Variants in ADK observed in about 807,000 individuals in gnomAD.
ADK encodes N6,N6-dimethyladenosine kinase.
ADK carries 24 observed loss-of-function variants against 44.7 expected under a neutral mutation model. That is an observed-to-expected ratio of 0.54 (90% confidence interval 0.39 to 0.76). ADK has a LOEUF of 0.76. Ranked by LOEUF, ADK falls within the 30% of genes least tolerant of loss-of-function variation. The probability of loss-of-function intolerance (pLI) is 0.00; values close to 1 mark genes in which losing one functional copy is unlikely to be tolerated. For synonymous variants in ADK, 128 were observed against 142.6 expected (o/e 0.90, Z 0.73); for missense variants, 321 against 425.1 (o/e 0.76, Z 2.15).
At chr10:74,512,402 C>CTTT (rs36119808) in intron 6 of ADK, among the ~76,000 whole-genome samples, 3,022 of 128,404 alleles carry the variant, frequency 0.024, 118 homozygotes, top group African/African-American at 0.075. Context: ...CAGTTCTGGA[C>CTTT]TTTTTTTTTT....
chr10:74,437,598 T>C (rs1202091378), intron 6 of ADK, among the ~76,000 whole-genome samples: 1 of 152,204 alleles, frequency 6.6e-6, no homozygotes, highest in Non-Finnish European at 1.5e-5. Flanking sequence ...CAATTACCAT[T>C]CTATTACAGA....
intron 6 of ADK, among the ~76,000 whole-genome samples, chr10:74,508,874 G>A (rs1188913324): frequency 6.6e-6 from 1 of 152,064 alleles, no homozygotes; most frequent in Non-Finnish European, 1.5e-5. Context: ...ATATAAAAGG[G>A]TAAATTATAG....
intron 3 of ADK, among the ~76,000 whole-genome samples, chr10:74,285,090 AG>A (rs1322439656): frequency 2.6e-5 from 4 of 152,130 alleles, no homozygotes; most frequent in Non-Finnish European, 4.4e-5. Context: ...GCCACTGTAC[AG>A]ATGAGCAGCC....
intron 2 of ADK, among the ~76,000 whole-genome samples, chr10:74,213,384 C>CA (rs1843896373): frequency 6.6e-6 from 1 of 152,198 alleles, no homozygotes; most frequent in African/African-American, 2.4e-5. Context: ...ATGTGAGCTA[C>CA]AGTGCCTTGC....
chr10:74,549,848 A>C (rs1849967898), intron 7 of ADK, among the ~76,000 whole-genome samples: 1 of 152,154 alleles, frequency 6.6e-6, no homozygotes, highest in Admixed American at 6.5e-5. Context: ...TGATTCATTG[A>C]AATTATAATG....
At chr10:74,576,054 A>G (rs12241337) in intron 7 of ADK, among the ~76,000 whole-genome samples, 7,004 of 152,214 alleles carry the variant, frequency 0.046, 561 homozygotes, top group African/African-American at 0.16. Flanking sequence ...AAGGAAAGGA[A>G]TAATAGAAGT....
chr10:74,688,655 G>A (rs1281214371), intron 10 of ADK, among the ~76,000 whole-genome samples: 1 of 152,132 alleles, frequency 6.6e-6, no homozygotes, highest in Non-Finnish European at 1.5e-5. Flanking sequence ...TGGCTTACGC[G>A]TGTAATCCCA....
chr10:74,678,163 A>G (rs973004370), intron 10 of ADK, among the ~76,000 whole-genome samples: 1 of 149,408 alleles, frequency 6.7e-6, no homozygotes, highest in Non-Finnish European at 1.5e-5. Flanking sequence ...AAAAAAAAGG[A>G]TATGAAACAT....
chr10:74,536,376 G>A (rs1016207126), intron 7 of ADK, among the ~76,000 whole-genome samples: 99 of 151,352 alleles, frequency 6.5e-4, no homozygotes, highest in Non-Finnish European at 1.6e-4. Flanking sequence ...ACACGTGCTG[G>A]GACAAAAAGT....
intron 4 of ADK, among the ~76,000 whole-genome samples, chr10:74,356,022 T>TTG (rs1842135423): frequency 7.3e-6 from 1 of 136,608 alleles, no homozygotes; most frequent in Non-Finnish European, 1.6e-5. Context: ...TTTTTTTTTT[T>TTG]TTTTTTTGAG....
chr10:74,242,564 C>A (rs1177320951), intron 3 of ADK, among the ~76,000 whole-genome samples: 3 of 127,620 alleles, frequency 2.4e-5, no homozygotes, highest in African/African-American at 7.1e-5. Context: ...AAGCAGGAGG[C>A]AGAGAAATTA....
intron 6 of ADK, among the ~76,000 whole-genome samples, chr10:74,496,163 G>A (rs1847678899): frequency 6.6e-6 from 1 of 152,188 alleles, no homozygotes; most frequent in African/African-American, 2.4e-5. Context: ...CTGGAGTGCA[G>A]TAATGCAGTC....
intron 3 of ADK, among the ~76,000 whole-genome samples, chr10:74,261,034 G>A (rs1450017990): frequency 3.3e-5 from 5 of 152,160 alleles, no homozygotes; most frequent in Non-Finnish European, 7.4e-5. Context: ...CTGGGATACA[G>A]ATCATATTAT....
intron 1 of ADK, chr10:74,176,723 A>T (rs1416559474): frequency 2.0e-6 from 3 of 1,488,558 alleles, no homozygotes; most frequent in Admixed American, 2.1e-5. Flanking sequence ...CCGGCTAGCC[A>T]GGGGCCGCCC....
At chr10:74,304,982 C>A (rs935484516) in intron 3 of ADK, among the ~76,000 whole-genome samples, 4 of 152,088 alleles carry the variant, frequency 2.6e-5, no homozygotes, top group African/African-American at 9.7e-5. Flanking sequence ...CCTCAGATAC[C>A]AAAATCCAAG....
chr10:74,300,389 C>G (rs1009968902), intron 3 of ADK, among the ~76,000 whole-genome samples: 2 of 145,196 alleles, frequency 1.4e-5, no homozygotes, highest in Non-Finnish European at 3.0e-5. Context: ...TCTCTTTTCT[C>G]TTTTCTCAAC....
chr10:74,490,986 T>C (rs1455796872), intron 6 of ADK, among the ~76,000 whole-genome samples: 1 of 152,178 alleles, frequency 6.6e-6, no homozygotes, highest in Admixed American at 6.6e-5. Context: ...TACTTCTCTC[T>C]GGGGTTTAAT....
intron 6 of ADK, among the ~76,000 whole-genome samples, chr10:74,427,727 A>ATGTGTGTGTGTG (rs35949478): frequency 6.7e-6 from 1 of 148,398 alleles, no homozygotes; most frequent in African/African-American, 2.5e-5. Flanking sequence ...ATGTATATGT[A>ATGTGTGTGTGTG]TGTGTGTGTG....
intron 4 of ADK, among the ~76,000 whole-genome samples, chr10:74,325,118 A>G (rs1314350918): frequency 1.3e-5 from 2 of 152,166 alleles, no homozygotes; most frequent in African/African-American, 4.8e-5. Context: ...CTTTAATTAC[A>G]TGAATGCAGG....
Sources: gnomAD v4.1 joint callset for allele counts (sites outside exome capture counted in the v4.1 genomes callset) on GRCh38, gnomAD v4.1.1 for gene constraint, MANE v1.5 for transcripts, NCBI Gene and HGNC (gene_info 2026-07-23, HGNC 2026-07-21) for gene names.